The following GRID1 variants were observed in gnomAD, a reference collection of about 807,000 sequenced individuals.
The protein encoded by GRID1 is glutamate ionotropic receptor delta type subunit 1, also known as glutamate receptor ionotropic, delta-1.
A neutral mutation model predicts 98.0 loss-of-function variants in GRID1; 28 were observed. The observed-to-expected ratio is 0.29, with a 90% CI of 0.21 to 0.39. GRID1 has a LOEUF of 0.39. Among genes scored for constraint, GRID1 ranks in the 10% least tolerant of loss-of-function variants. The probability of loss-of-function intolerance (pLI) is 1.00; values close to 1 mark genes in which losing one functional copy is unlikely to be tolerated. For synonymous variants in GRID1, 553 were observed against 538.5 expected (o/e 1.03, Z -0.37); for missense variants, 1,111 against 1,340.5 (o/e 0.83, Z 2.67).
intron 4 of GRID1, among the ~76,000 whole-genome samples, chr10:86,055,758 AAGAAGG>A (rs141410567): frequency 1.9e-4 from 29 of 151,488 alleles, no homozygotes; most frequent in African/African-American, 2.9e-4. Flanking sequence ...CAACAAGAAG[AAGAAGG>A]AGAAGGAGAA....
intron 4 of GRID1, among the ~76,000 whole-genome samples, chr10:86,134,789 A>C (rs547566062): frequency 7.2e-5 from 11 of 152,318 alleles, no homozygotes; most frequent in Non-Finnish European, 1.3e-4. Context: ...CTAGTCCAGG[A>C]AGCTTCCGTT....
At chr10:86,139,408 T>A (rs1844979841) in intron 3 of GRID1, among the ~76,000 whole-genome samples, 1 of 152,196 alleles carries the variant, frequency 6.6e-6, no homozygotes, top group Non-Finnish European at 1.5e-5. Context: ...CACCTCCCTC[T>A]GCTCCCAACA....
intron 2 of GRID1, among the ~76,000 whole-genome samples, chr10:86,284,690 A>G (rs1024730922): frequency 6.6e-6 from 1 of 152,238 alleles, no homozygotes; most frequent in Admixed American, 6.5e-5. Flanking sequence ...CAGTCAAGGC[A>G]GGCAGAAAAG....
At position 86,058,846 on chromosome 10, in the gene GRID1, GA is replaced by G. The variant is rs1301374179; in HGVS notation, c.726+79972del. ...GGGACACCAGGTCCCAGCCCTTGAGGAGCTTATAATTTAGGGGAGGACACAT... is the reference window on the plus strand; with the variant it reads ...GGGACACCAGGTCCCAGCCCTTGAGGGCTTATAATTTAGGGGAGGACACAT... On this transcript the variant is annotated intron_variant, in intron 4 of 15. Coordinates refer to ENST00000327946, the MANE Select transcript of GRID1 (RefSeq NM_017551.3). Among the ~76,000 whole-genome samples, 43 of 152,348 alleles carry G rather than the reference GA, an allele frequency of 2.8e-4. No homozygotes were observed. The Middle Eastern group carries it at 0.01, about 36-fold the overall frequency.
chr10:86,157,668 C>A (rs1200124220), intron 3 of GRID1, among the ~76,000 whole-genome samples: 1 of 152,304 alleles, frequency 6.6e-6, no homozygotes, highest in East Asian at 1.9e-4. Flanking sequence ...AACCTGAGTT[C>A]TTAGGCCACC....
intron 2 of GRID1, among the ~76,000 whole-genome samples, chr10:86,248,337 C>T (rs2814348): frequency 0.73 from 110,856 of 152,024 alleles, 41,458 homozygotes; most frequent in Non-Finnish European, 0.81. Context: ...CAGCAGGTGG[C>T]CATATTCAGA....
chr10:86,012,302 T>C (rs1484075592), intron 4 of GRID1, among the ~76,000 whole-genome samples: 2 of 152,012 alleles, frequency 1.3e-5, no homozygotes, highest in Non-Finnish European at 2.9e-5. Context: ...CAACTGCAGT[T>C]GAAACTAGTG....
intron 15 of GRID1, among the ~76,000 whole-genome samples, chr10:85,604,271 C>T (rs1381967878): frequency 6.6e-6 from 1 of 152,214 alleles, no homozygotes; most frequent in African/African-American, 2.4e-5. Context: ...CACCTGCTGT[C>T]AGTCCTAGAA....
Position 86,142,095 on chromosome 10 carries a change from G to A in GRID1, c.521-3071C>T, listed in dbSNP as rs961745006. 4.6e-5 allele frequency among the ~76,000 whole-genome samples: 7 copies of A among 152,214 alleles called. No homozygotes were observed. The East Asian group carries it at 9.6e-4, about 21-fold the overall frequency. Reference sequence around the variant, plus strand: ...TGCCACCACCATGAGAACATCTCCAGGCCAGCTGCTGGAGGAATGTGGGGA... The same window carrying A: ...TGCCACCACCATGAGAACATCTCCAAGCCAGCTGCTGGAGGAATGTGGGGA... On this transcript the variant is annotated intron_variant, in intron 3 of 15. Coordinates refer to ENST00000327946, the MANE Select transcript of GRID1 (RefSeq NM_017551.3).
intron 4 of GRID1, among the ~76,000 whole-genome samples, chr10:86,068,360 T>C (rs1843749592): frequency 2.0e-5 from 3 of 152,166 alleles, no homozygotes; most frequent in Non-Finnish European, 4.4e-5. Context: ...TATACCAGAC[T>C]GAAAGCTGAA....
Position 85,973,813 on chromosome 10 carries a change from T to G in GRID1, c.727-57574A>C, listed in dbSNP as rs7071797. ...CTTGATTATTCATCTCTTATTTCTT[T>G]CAATGAAATATGGTAAAGAGCCAAA... On this transcript the variant is annotated intron_variant, in intron 4 of 15. Coordinates refer to ENST00000327946, the MANE Select transcript of GRID1 (RefSeq NM_017551.3). 4.1e-3 allele frequency among the ~76,000 whole-genome samples: 626 copies of G among 152,330 alleles called. 3 individuals carry two copies. The highest frequency in any genetic ancestry group is 0.013 in the African/African-American group (556 of 41,568).
intron 2 of GRID1, among the ~76,000 whole-genome samples, chr10:86,362,191 G>A (rs924413595): frequency 2.0e-5 from 3 of 152,190 alleles, no homozygotes; most frequent in African/African-American, 7.2e-5. Flanking sequence ...TGGGGTTTGT[G>A]GAACCAGTGT....
intron 4 of GRID1, among the ~76,000 whole-genome samples, chr10:86,103,479 G>C (rs1028235320): frequency 6.6e-6 from 1 of 152,190 alleles, no homozygotes. Flanking sequence ...ATGTAAGGAG[G>C]CTCAACTGCA....
Position 85,728,007 on chromosome 10 carries a change from T to C in GRID1, c.1381A>G (p.Lys461Glu), listed in dbSNP as rs1841781524. The C allele has an allele frequency of 6.2e-7, 1 of 1,613,750 alleles. No individual in the cohort carries two copies. The highest frequency in any genetic ancestry group is 2.2e-5 in the East Asian group (1 of 44,872). ...MVAENILGQPKRYKGFSIDVL... is the reference protein window; with the variant it reads ...MVAENILGQPERYKGFSIDVL... The stretch of plus-strand genomic sequence containing the variant: ...TCTATGGAGAACCCTTTGTAGCGCT[T>C]GGGCTGTCCTAGGATGTTCTCAGCC... Residue 461 changes from lysine to glutamate, a missense_variant, in exon 10 of 16, where the codon AAG becomes GAG. Around this residue, in one of 3 missense-constraint regions of GRID1, gnomAD observed 762 missense variants for 869.1 expected, o/e 0.88. Coordinates refer to ENST00000327946, the MANE Select transcript of GRID1 (RefSeq NM_017551.3).
At chr10:86,149,278 A>T (rs12772661) in intron 3 of GRID1, among the ~76,000 whole-genome samples, 1 of 152,180 alleles carries the variant, frequency 6.6e-6, no homozygotes, top group South Asian at 2.1e-4. Context: ...TCTGCCTCTA[A>T]TAAGGGCTGA....
At chr10:86,064,608 T>A (rs140131250) in intron 4 of GRID1, among the ~76,000 whole-genome samples, 190 of 151,986 alleles carry the variant, frequency 1.3e-3, no homozygotes, top group Non-Finnish European at 1.7e-3. Context: ...CATGCTGGAG[T>A]CAGAAATCAA....
In GRID1 at chr10:85,644,742, AT is replaced by A. The variant is rs1843164329; in HGVS notation, c.2193+2459del. On this transcript the variant is annotated intron_variant, in intron 13 of 15. Coordinates refer to ENST00000327946, the MANE Select transcript of GRID1 (RefSeq NM_017551.3). ...TGTAAGTGTCCCATTTTATAAGAGA[AT>A]GCTAAGCTCTTCTCCAAAGTGATTG... Among the ~76,000 whole-genome samples, 3 of 152,202 alleles carry A rather than the reference AT, an allele frequency of 2.0e-5. No homozygotes were observed. The South Asian group carries it at 6.2e-4, about 32-fold the overall frequency.
intron 2 of GRID1, among the ~76,000 whole-genome samples, chr10:86,319,768 G>GATCT (rs1342909648): frequency 6.6e-6 from 1 of 152,238 alleles, no homozygotes; most frequent in African/African-American, 2.4e-5. Flanking sequence ...CACTGCTGAT[G>GATCT]GCTTTCAGGA....
chr10:85,741,051 C>T (rs1158103040), intron 8 of GRID1, among the ~76,000 whole-genome samples: 1 of 152,106 alleles, frequency 6.6e-6, no homozygotes, highest in Non-Finnish European at 1.5e-5. Flanking sequence ...TGCGCCCAGC[C>T]CACATAACTT....
Sources: gnomAD v4.1 joint callset for allele counts (sites outside exome capture counted in the v4.1 genomes callset) on GRCh38, gnomAD v4.1.1 for gene constraint, gnomAD v4.1.1 regional missense constraint, MANE v1.5 for transcripts, NCBI Gene and HGNC (gene_info 2026-07-23, HGNC 2026-07-21) for gene names.